The following SPOCK3 variants were observed in gnomAD, a reference collection of about 807,000 sequenced individuals.
SPOCK3 encodes SPARC (osteonectin), cwcv and kazal like domains proteoglycan 3, also known as testican-3.
A neutral mutation model predicts 56.6 loss-of-function variants in SPOCK3; 30 were observed. The observed-to-expected ratio is 0.53, with a 90% CI of 0.40 to 0.72. The LOEUF is 0.72. SPOCK3 is among the 30% of genes least tolerant of loss of function. The pLI is 0.00. For synonymous variants in SPOCK3, 196 were observed against 183.3 expected (o/e 1.07, Z -0.56); for missense variants, 527 against 530.0 (o/e 0.99, Z 0.06).
intron 4 of SPOCK3, among the ~76,000 whole-genome samples, chr4:166,985,225 A>G (rs1747017708): frequency 6.6e-6 from 1 of 152,012 alleles, no homozygotes; most frequent in Non-Finnish European, 1.5e-5. Flanking sequence ...AATCCTCCAC[A>G]ATGAAAATTC....
At chr4:166,886,462 A>C (rs1290078085) in intron 6 of SPOCK3, among the ~76,000 whole-genome samples, 2 of 152,062 alleles carry the variant, frequency 1.3e-5, no homozygotes, top group African/African-American at 2.4e-5. Flanking sequence ...TAAAACATGG[A>C]ATTTATCTGT....
rs1172503866 is a variant in SPOCK3 at position 166,780,688 on chromosome 4, G to A, written c.709+11482C>T. On this transcript the variant is annotated intron_variant, in intron 7 of 10. Coordinates refer to ENST00000357545, the MANE Select transcript of SPOCK3 (RefSeq NM_001040159.2). ...ACCATTAAAGAACCTCTTCCACTAAGGGGGCAATAGGATTTCTGAGAAAGT... is the reference window on the plus strand; with the variant it reads ...ACCATTAAAGAACCTCTTCCACTAAAGGGGCAATAGGATTTCTGAGAAAGT... 2.6e-5 allele frequency among the ~76,000 whole-genome samples: 4 copies of A among 152,236 alleles called. No individual in the cohort carries two copies. In the East Asian group the frequency reaches 7.7e-4, roughly 29 times the overall value.
chr4:166,815,382 G>T (rs1367533339), intron 6 of SPOCK3, among the ~76,000 whole-genome samples: 1 of 151,900 alleles, frequency 6.6e-6, no homozygotes, highest in Non-Finnish European at 1.5e-5. Context: ...TATTAGTAGT[G>T]GAAAACTATA....
intron 2 of SPOCK3, among the ~76,000 whole-genome samples, chr4:167,156,623 A>G (rs925577223): frequency 2.6e-5 from 4 of 152,192 alleles, no homozygotes; most frequent in Admixed American, 6.6e-5. Flanking sequence ...ACTTAAAAGT[A>G]AAAACATAAA....
chr4:166,740,945 T>C (rs1356767944), intron 9 of SPOCK3, among the ~76,000 whole-genome samples: 4 of 152,198 alleles, frequency 2.6e-5, no homozygotes. Flanking sequence ...AAATGTTTTA[T>C]TACAAAACAT....
At chr4:167,145,659 A>C (rs1456700442) in intron 2 of SPOCK3, among the ~76,000 whole-genome samples, 1 of 152,068 alleles carries the variant, frequency 6.6e-6, no homozygotes, top group African/African-American at 2.4e-5. Flanking sequence ...AATATTCAAC[A>C]CTCTTAAAGA....
intron 3 of SPOCK3, among the ~76,000 whole-genome samples, chr4:167,059,226 G>A (rs1755292602): frequency 6.6e-6 from 1 of 152,046 alleles, no homozygotes; most frequent in African/African-American, 2.4e-5. Flanking sequence ...CCTACAAAAT[G>A]GGAGAAAATT....
intron 6 of SPOCK3, among the ~76,000 whole-genome samples, chr4:166,800,051 G>A (rs933984647): frequency 1.1e-4 from 17 of 151,398 alleles, no homozygotes; most frequent in Non-Finnish European, 2.4e-4. Flanking sequence ...GCGTGGTGGC[G>A]GGTGCCTGTA....
intron 6 of SPOCK3, among the ~76,000 whole-genome samples, chr4:166,855,109 T>C (rs995785390): frequency 6.6e-5 from 10 of 152,162 alleles, no homozygotes; most frequent in African/African-American, 1.7e-4. Context: ...AACAGACTTA[T>C]ACACTGTCAA....
chr4:166,860,811 ATATATG>A (rs1458531515), intron 6 of SPOCK3, among the ~76,000 whole-genome samples: 5 of 143,776 alleles, frequency 3.5e-5, no homozygotes, highest in Non-Finnish European at 6.1e-5. Context: ...TCATATATAT[ATATATG>A]TATATATATA....
chr4:167,165,150 G>A (rs577808199), intron 2 of SPOCK3, among the ~76,000 whole-genome samples: 3 of 152,078 alleles, frequency 2.0e-5, no homozygotes, highest in Admixed American at 2.0e-4. Flanking sequence ...CATAGGCATG[G>A]GCAAAGACTT....
chr4:167,030,767 A>C, intron 3 of SPOCK3, among the ~76,000 whole-genome samples: 1 of 152,176 alleles, frequency 6.6e-6, no homozygotes, highest in South Asian at 2.1e-4. Context: ...CCAATAGGTA[A>C]GAATCCTACC....
Position 167,023,600 on chromosome 4 carries a change from A to C in SPOCK3, c.236-23137T>G, listed in dbSNP as rs144524003. Among the ~76,000 whole-genome samples, 1,511 of 152,118 alleles carry C rather than the reference A, an allele frequency of 9.9e-3. 18 individuals carry two copies. The highest frequency in any genetic ancestry group is 0.032 in the African/African-American group (1,319 of 41,520). On this transcript the variant is annotated intron_variant, in intron 3 of 10. Transcript: ENST00000357545. The stretch of plus-strand genomic sequence containing the variant: ...TCATGACACCAGTGGTGACTTTAAC[A>C]GCCGTAGTTCTTTGATGAGTTATTT...
chr4:167,023,949 C>T (rs1291486982), intron 3 of SPOCK3, among the ~76,000 whole-genome samples: 1 of 152,012 alleles, frequency 6.6e-6, no homozygotes, highest in Non-Finnish European at 1.5e-5. Context: ...TATTGGTGGG[C>T]AGAGGCAGAA....
chr4:166,807,514 G>A (rs1420461540), intron 6 of SPOCK3, among the ~76,000 whole-genome samples: 1 of 152,060 alleles, frequency 6.6e-6, no homozygotes, highest in African/African-American at 2.4e-5. Flanking sequence ...ATAAAGCAAA[G>A]CAAATGTTTA....
At chr4:167,187,913 T>A (rs1170241220) in intron 2 of SPOCK3, among the ~76,000 whole-genome samples, 3 of 152,114 alleles carry the variant, frequency 2.0e-5, no homozygotes, top group Non-Finnish European at 4.4e-5. Context: ...TGGGCTGCCA[T>A]GCAAGGGTAA....
intron 2 of SPOCK3, among the ~76,000 whole-genome samples, chr4:167,135,013 G>A (rs767632286): frequency 2.0e-4 from 30 of 151,612 alleles, no homozygotes; most frequent in Non-Finnish European, 3.4e-4. Context: ...TGACTTTTTA[G>A]TTCAAGTAGA....
At chr4:166,824,274 C>G (rs1414225978) in intron 6 of SPOCK3, among the ~76,000 whole-genome samples, 1 of 152,096 alleles carries the variant, frequency 6.6e-6, no homozygotes, top group Admixed American at 6.6e-5. Flanking sequence ...AAGTATTCTA[C>G]AATACATCCA....
chr4:166,889,847 AAC>A (rs1024658814), intron 5 of SPOCK3, among the ~76,000 whole-genome samples: 59 of 152,128 alleles, frequency 3.9e-4, no homozygotes, highest in African/African-American at 1.3e-3. Context: ...CCATAGCTCA[AAC>A]ACACATTCAT....
Sources: gnomAD v4.1 joint callset for allele counts (sites outside exome capture counted in the v4.1 genomes callset) on GRCh38, gnomAD v4.1.1 for gene constraint, MANE v1.5 for transcripts, NCBI Gene and HGNC (gene_info 2026-07-23, HGNC 2026-07-21) for gene names.